Variants in CROCC2 observed in about 807,000 individuals in gnomAD.
CROCC2 encodes ciliary rootlet coiled-coil protein 2.
Under a neutral mutation model 177.6 loss-of-function variants are expected in CROCC2, and 163 were observed. The observed-to-expected ratio is 0.92, with a 90% CI of 0.81 to 1.05. CROCC2 has a LOEUF of 1.05. Among genes scored for constraint, CROCC2 ranks in the 50% least tolerant of loss-of-function variants. CROCC2 has a pLI of 0.00. For synonymous variants in CROCC2, 904 were observed against 787.3 expected, an observed-to-expected ratio of 1.15 and a Z score of -2.48; for missense variants, 1,929 against 1,797.8, an observed-to-expected ratio of 1.07 and a Z score of -1.32.
At chr2:240,970,412 T>C (rs1574788750) in intron 27 of CROCC2, among the ~76,000 whole-genome samples, 1 of 152,248 alleles carries the variant, frequency 6.6e-6, no homozygotes, top group African/African-American at 2.4e-5. Context: ...TGGTAACCCA[T>C]GCTCTGTTTT....
rs1483326250 is a variant in CROCC2 at position 240,949,123 on chromosome 2, C to T, written c.2482+26C>T. ...GTGCTCCAAGGGCGCTCCCTCAGCT[C>T]CTTCCCCGAAAGTCAGCCATGGAGG... On this transcript the variant is annotated intron_variant, in intron 16 of 31. Transcript: ENST00000690015. The surrounding 1 kb of genome is among the most constrained non-coding windows in gnomAD (Gnocchi z 4.5). 6.7e-7 allele frequency: 1 copy of T among 1,501,252 alleles called. No individual in the cohort carries two copies. Among genetic ancestry groups the T allele is most frequent in the Non-Finnish European group, 8.9e-7 (1 of 1,126,556 alleles). 93.0% of individuals were successfully genotyped at this position (1,501,252 alleles called of 1,614,324 possible).
At chr2:240,937,577 G>C (rs2059478110) in intron 14 of CROCC2, among the ~76,000 whole-genome samples, 1 of 152,020 alleles carries the variant, frequency 6.6e-6, no homozygotes, top group Admixed American at 6.6e-5. Context: ...GTATTTTCTA[G>C]GTTCTGTCTG....
chr2:240,983,320 A>C, intron 28 of CROCC2: 9 of 1,219,950 alleles, frequency 7.4e-6, no homozygotes, highest in Non-Finnish European at 9.7e-6. Context: ...CACGCCGTTT[A>C]GGAGAAAATA....
chr2:240,968,310 C>G (rs1003487226), intron 27 of CROCC2, 48 bp downstream of exon 27: 2 of 1,493,142 alleles, frequency 1.3e-6, no homozygotes, highest in Non-Finnish European at 1.8e-6. Flanking sequence ...AAGAACAAGG[C>G]CTCTCGGTCA....
At chr2:240,959,635 C>T (rs533225855) in intron 20 of CROCC2, 191 bp downstream of exon 20, 25 of 650,660 alleles carry the variant, frequency 3.8e-5, no homozygotes, top group Middle Eastern at 4.3e-4. Flanking sequence ...CCTCACACCA[C>T]GCACTAAGCC....
chr2:240,974,534 C>CTTT (rs61276773), intron 27 of CROCC2, among the ~76,000 whole-genome samples: 36 of 134,902 alleles, frequency 2.7e-4, no homozygotes, highest in African/African-American at 7.8e-4. Flanking sequence ...TCTTTTTTTT[C>CTTT]TTTTTTTTTT....
intron 31 of CROCC2, among the ~76,000 whole-genome samples, chr2:240,991,540 G>T (rs2059879648): frequency 6.6e-6 from 1 of 152,242 alleles, no homozygotes; most frequent in Non-Finnish European, 1.5e-5. Context: ...CACACTCTGA[G>T]CCCGCTGACC....
At chr2:240,955,791 T>C in intron 18 of CROCC2, 68 bp from the exon 19 acceptor site, 1 of 1,111,802 alleles carries the variant, frequency 9.0e-7, no homozygotes, top group Non-Finnish European at 1.3e-6. Context: ...AGCCTCTCCT[T>C]AGAGGGGGGC....
intron 1 of CROCC2, among the ~76,000 whole-genome samples, chr2:240,907,608 C>T (rs1434518355): frequency 6.6e-6 from 1 of 152,180 alleles, no homozygotes; most frequent in Non-Finnish European, 1.5e-5. Context: ...AGGGTAGATG[C>T]AGGGTTTGCT....
Position 240,960,329 on chromosome 2 carries a change from G to GGGCC in CROCC2, c.3087+885_3087+886insGGCC, listed in dbSNP as rs1461500836. On this transcript the variant is annotated intron_variant, in intron 20 of 31. Transcript: ENST00000690015. The surrounding 1 kb of genome is among the most constrained non-coding windows in gnomAD (Gnocchi z 5.0). The stretch of plus-strand genomic sequence containing the variant: ...AGTGGGTTAGTGGAGATTTCGGGGT[G>GGGCC]TGCCTGGGCCTGGCCAAGGGCCCGA... Among the ~76,000 whole-genome samples, 1 of 150,794 alleles carries GGGCC rather than the reference G, an allele frequency of 6.6e-6. No homozygotes were observed.
At chr2:240,970,892 C>A (rs1389842318) in intron 27 of CROCC2, among the ~76,000 whole-genome samples, 1 of 152,320 alleles carries the variant, frequency 6.6e-6, no homozygotes, top group East Asian at 1.9e-4. Flanking sequence ...TGGCGTCTCC[C>A]CTCTGGGTCT....
At chr2:240,915,043 G>A (rs2059311055) in intron 1 of CROCC2, among the ~76,000 whole-genome samples, 1 of 152,202 alleles carries the variant, frequency 6.6e-6, no homozygotes, top group Non-Finnish European at 1.5e-5. Context: ...CTCCCTGCAG[G>A]CGGAAGCCTT....
At chr2:240,919,909 G>A (rs1307762293) in intron 2 of CROCC2, 74 bp from the exon 3 acceptor site, 32 of 514,912 alleles carry the variant, frequency 6.2e-5, no homozygotes, top group African/African-American at 1.2e-4. Flanking sequence ...GGGTCCCACC[G>A]TGGAGACAGG....
At position 240,934,948 on chromosome 2, in the gene CROCC2, T is replaced by C. The variant is rs1366837547; in HGVS notation, c.1824T>C (p.Leu608=). Residue 608 remains leucine, a synonymous_variant, in exon 13 of 32, where the codon CTT becomes CTC. Coordinates refer to ENST00000690015, the MANE Select transcript of CROCC2 (RefSeq NM_001351305.2). The part of the protein sequence containing the change: ...AECSNADLEL[L]VRRLKSEGVE... ...GCAGCAATGCGGACCTGGAGCTTCT[T>C]GTGAGGCGGCTGAAGTCGGAGGGAG... is the stretch of plus-strand genomic sequence containing the variant. The C allele has an allele frequency of 2.0e-6, 3 of 1,519,684 alleles. No individual in the cohort carries two copies. The African/African-American group carries it at 4.2e-5, about 21-fold the overall frequency. The allele number at this position is 1,519,684 out of a possible 1,614,324, so 94.1% of individuals were successfully genotyped here.
chr2:240,985,678 CA>C (rs1454908549), intron 28 of CROCC2, among the ~76,000 whole-genome samples: 3 of 112,706 alleles, frequency 2.7e-5, no homozygotes, highest in Non-Finnish European at 3.6e-5. Flanking sequence ...CCCAGGCACT[CA>C]CTCCACACAC....
intron 27 of CROCC2, among the ~76,000 whole-genome samples, chr2:240,975,887 G>A (rs547276755): frequency 4.6e-5 from 7 of 151,920 alleles, no homozygotes; most frequent in Admixed American, 1.3e-4. Flanking sequence ...CCGCCACCAC[G>A]CCCGGCTAAT....
At position 240,993,130 on chromosome 2, in the gene CROCC2, C is replaced by A; in HGVS notation, c.*49C>A. The A allele has an allele frequency of 1.4e-6, 1 of 713,578 alleles. No homozygotes were observed. Among genetic ancestry groups the A allele is most frequent in the Non-Finnish European group, 2.6e-6 (1 of 382,714 alleles). 44.2% of individuals were successfully genotyped at this position (713,578 alleles called of 1,614,324 possible). A position where few individuals can be genotyped will look rare whatever the true frequency, so the allele number is the denominator to read the frequency against. ...CCAGCGTGGCTGCAGAGGAAGGGAACGCACCGCAGGTGGGAGGGGCCCAGC... is the reference window on the plus strand; with the variant it reads ...CCAGCGTGGCTGCAGAGGAAGGGAAAGCACCGCAGGTGGGAGGGGCCCAGC... On this transcript the variant is annotated 3_prime_UTR_variant, in exon 32 of 32. Transcript: ENST00000690015.
intron 14 of CROCC2, among the ~76,000 whole-genome samples, chr2:240,940,616 C>T (rs56786637): frequency 0.04 from 5,190 of 130,224 alleles, 255 homozygotes; most frequent in African/African-American, 0.12. Flanking sequence ...TCTCAATAGA[C>T]GCAGAAAAAG....
At chr2:240,991,004 A>G (rs1295862592) in intron 30 of CROCC2, among the ~76,000 whole-genome samples, 192 bp from the exon 31 acceptor site, 24 of 152,250 alleles carry the variant, frequency 1.6e-4, no homozygotes, top group Admixed American at 1.6e-3. Context: ...GGAACTGCGC[A>G]TCCCTCTCTG....
Sources: allele counts gnomAD v4.1 joint callset (sites outside exome capture counted in the v4.1 genomes callset), GRCh38; gene constraint gnomAD v4.1.1; non-coding constraint Gnocchi (gnomAD v3.1); transcripts MANE v1.5; gene names NCBI Gene and HGNC (gene_info 2026-07-23, HGNC 2026-07-21).